Variants in ADGRE3 observed in about 807,000 individuals in gnomAD.
ADGRE3 encodes EGF-like module receptor 3.
ADGRE3 carries 88 observed loss-of-function variants against 80.1 expected under a neutral mutation model. The observed-to-expected ratio is 1.10, with a 90% CI of 0.93 to 1.31. ADGRE3 has a LOEUF of 1.31. Among genes scored for constraint, ADGRE3 ranks in the 40% most tolerant of loss-of-function variants. The pLI is 0.00. For synonymous variants in ADGRE3, 281 were observed against 294.8 expected, an observed-to-expected ratio of 0.95 and a Z score of 0.48; for missense variants, 715 against 776.5, an observed-to-expected ratio of 0.92 and a Z score of 0.94.
chr19:14,631,935 T>TG (rs140306151), intron 13 of ADGRE3, among the ~76,000 whole-genome samples: 56,896 of 151,894 alleles, frequency 0.37, 10,979 homozygotes, highest in Admixed American at 0.43. Flanking sequence ...CAAAAGACTA[T>TG]AAAAAAATGT....
chr19:14,615,199 C>CTTTTTTTTT (rs1227946914), downstream of ADGRE3, among the ~76,000 whole-genome samples: 3 of 91,024 alleles, frequency 3.3e-5, 1 homozygote, highest in Non-Finnish European at 2.4e-5. Flanking sequence ...CTACAGCTGC[C>CTTTTTTTTT]TTCTTTTTTT....
At position 14,658,504 on chromosome 19, in the gene ADGRE3, T is replaced by C. The variant is rs1362279826; in HGVS notation, c.393+9A>G. ...CCTGGGAAGGGTCTGGGGATCAGCC[T>C]CCACTCACCTCTTTCCTGCCCTCGG... On this transcript the variant is annotated intron_variant, in intron 5 of 15. Coordinates refer to ENST00000253673, the MANE Select transcript of ADGRE3 (RefSeq NM_032571.5). The C allele has an allele frequency of 3.9e-6, 6 of 1,557,842 alleles. 1 individual carries two copies. The South Asian group carries it at 7.2e-5, about 19-fold the overall frequency.
At chr19:14,623,299 T>TAAAAAAATAAA (rs1335188403) in intron 15 of ADGRE3, among the ~76,000 whole-genome samples, 1 of 16,702 alleles carries the variant, frequency 6.0e-5, no homozygotes, top group African/African-American at 1.1e-4. Flanking sequence ...AAAAAAAAAA[T>TAAAAAAATAAA]AAAAAAAAAA....
At chr19:14,664,134 T>C (rs188653551) in intron 2 of ADGRE3, among the ~76,000 whole-genome samples, 2 of 152,190 alleles carry the variant, frequency 1.3e-5, no homozygotes, top group African/African-American at 4.8e-5. Flanking sequence ...AAACCCCGTC[T>C]CTACTAAAAA....
At chr19:14,608,569 A>AT in the ADGRE3 span, among the ~76,000 whole-genome samples, 61 of 151,894 alleles carry the variant, frequency 4.0e-4, no homozygotes, top group Non-Finnish European at 6.6e-4. Flanking sequence ...GCTGAAATAT[A>AT]TCAAGCTCTC....
At chr19:14,636,084 T>TTCTTTC (rs1971054478) in intron 11 of ADGRE3, among the ~76,000 whole-genome samples, 8 of 19,212 alleles carry the variant, frequency 4.2e-4, no homozygotes, top group African/African-American at 1.3e-3. Context: ...TCCTTTCCCT[T>TTCTTTC]TCTTTCTTTC....
In ADGRE3 at chr19:14,641,276, G is replaced by T. The variant is rs1474334213; in HGVS notation, c.1248+143C>A. The T allele has an allele frequency of 1.2e-5, 12 of 974,020 alleles. No individual in the cohort carries two copies. In the South Asian group the frequency reaches 1.8e-4, roughly 14 times the overall value. The allele number at this position is 974,020 out of a possible 1,614,324, so 60.3% of individuals were successfully genotyped here. On this transcript the variant is annotated intron_variant, in intron 10 of 15. Coordinates refer to ENST00000253673, the MANE Select transcript of ADGRE3 (RefSeq NM_032571.5). ...CTTTTGTTACATGGGTCCCAGCTAC[G>T]ATCTCAGAAGGGTAGCGGGAAAATT...
intron 11 of ADGRE3, among the ~76,000 whole-genome samples, chr19:14,636,069 TC>T (rs1252815737): frequency 4.1e-5 from 5 of 121,000 alleles, no homozygotes; most frequent in African/African-American, 6.0e-5. Context: ...TCCTTTCCTT[TC>T]CTTTCCTTTC....
At chr19:14,662,417 G>C (rs1413378891) in intron 3 of ADGRE3, among the ~76,000 whole-genome samples, 1 of 152,138 alleles carries the variant, frequency 6.6e-6, no homozygotes, top group Non-Finnish European at 1.5e-5. Flanking sequence ...ACGGAGTCTT[G>C]CTCTGTCATC....
intron 10 of ADGRE3, among the ~76,000 whole-genome samples, chr19:14,640,078 G>T (rs1196420392): frequency 6.6e-6 from 1 of 152,126 alleles, no homozygotes; most frequent in Non-Finnish European, 1.5e-5. Context: ...GTGAGATCAT[G>T]CACTGTTTGT....
At chr19:14,672,678 C>T (rs1266161402) in intron 1 of ADGRE3, among the ~76,000 whole-genome samples, 2 of 152,270 alleles carry the variant, frequency 1.3e-5, no homozygotes, top group East Asian at 3.9e-4. Context: ...GATGCAATCA[C>T]AGCTCATTGT....
intron 8 of ADGRE3, among the ~76,000 whole-genome samples, chr19:14,644,750 G>A (rs1971353571): frequency 6.6e-6 from 1 of 151,368 alleles, no homozygotes; most frequent in South Asian, 2.1e-4. Context: ...TTTTGAGACG[G>A]GGTCTCATTC....
chr19:14,647,314 T>C lies in ADGRE3; in HGVS notation c.749A>G (p.Asn250Ser). The C allele has an allele frequency of 1.2e-6, 2 of 1,612,854 alleles. No homozygotes were observed. The highest frequency in any genetic ancestry group is 1.7e-6 in the Non-Finnish European group (2 of 1,178,904). The change falls in exon 8 of 16, where the codon AAT becomes AGT. Residue 250 changes from asparagine (N) to serine (S), a missense_variant. Transcript: ENST00000253673. Reference protein sequence around the residue: ...ISYSSLGNIINATFFEEMDKK... With the variant: ...ISYSSLGNIISATFFEEMDKK... ...ATCCATCTCTTCAAAAAAAGTTGCA[T>C]TTATGATGTTTCCAAGAGAAGAATA...
At chr19:14,658,668 A>G (rs1971846484) in intron 4 of ADGRE3, 118 bp from the exon 5 acceptor site, 2 of 474,866 alleles carry the variant, frequency 4.2e-6, no homozygotes, top group East Asian at 3.4e-5. Flanking sequence ...AAAAGCCTGA[A>G]TTCATAGTCT....
chr19:14,610,319 G>A, the ADGRE3 span: 3 of 1,382,066 alleles, frequency 2.2e-6, no homozygotes, highest in Admixed American at 6.7e-5. Flanking sequence ...AAACAGGATT[G>A]GCACCCTGGA....
chr19:14,635,086 G>GTTTAT (rs1971000809), intron 11 of ADGRE3, among the ~76,000 whole-genome samples: 3 of 151,898 alleles, frequency 2.0e-5, no homozygotes, highest in Non-Finnish European at 1.5e-5. Context: ...CCTCGTCATT[G>GTTTAT]TTTATTTTAT....
chr19:14,663,609 C>G lies in ADGRE3; in HGVS notation c.77-69G>C. ...ACTCTCCTGTTATAATTAGGCCCTGCCTCTTGATCACCTGAGGTCAGGAGT... is the reference window on the plus strand; with the variant it reads ...ACTCTCCTGTTATAATTAGGCCCTGGCTCTTGATCACCTGAGGTCAGGAGT... On this transcript the variant is annotated intron_variant, in intron 2 of 15. Transcript: ENST00000253673. 2.0e-6 allele frequency: 3 copies of G among 1,523,296 alleles called. No homozygotes were observed. In the South Asian group the frequency reaches 3.6e-5, roughly 18 times the overall value. 94.4% of individuals were successfully genotyped at this position (1,523,296 alleles called of 1,614,324 possible). A position where few individuals can be genotyped will look rare whatever the true frequency, so the allele number is the denominator to read the frequency against.
chr19:14,620,480 CATATGAATATAT>C (rs1970530192), intron 15 of ADGRE3, among the ~76,000 whole-genome samples: 3 of 22,604 alleles, frequency 1.3e-4, no homozygotes, highest in Admixed American at 4.9e-4. Context: ...ATTATGAGTA[CATATGAATATAT>C]ATGAATATAT....
At chr19:14,615,430 G>A (rs1224878699), downstream of ADGRE3, among the ~76,000 whole-genome samples, 11 of 151,556 alleles carry the variant, frequency 7.3e-5, no homozygotes, top group African/African-American at 2.4e-4. Context: ...CACATTTTTG[G>A]TTAATTTTTA....
Sources: allele counts gnomAD v4.1 joint callset (sites outside exome capture counted in the v4.1 genomes callset), GRCh38; gene constraint gnomAD v4.1.1; transcripts MANE v1.5; gene names NCBI Gene and HGNC (gene_info 2026-07-23, HGNC 2026-07-21).